EIF4EBP1: variants seen among roughly 807,000 people sequenced by gnomAD.
EIF4EBP1 encodes eukaryotic translation initiation factor 4E-binding protein 1.
Under a neutral mutation model 9.2 loss-of-function variants are expected in EIF4EBP1, and 5 were observed. That is an observed-to-expected ratio of 0.54 (90% CI 0.28 to 1.14). The LOEUF is 1.14. Among genes scored for constraint, EIF4EBP1 ranks in the 50% most tolerant of loss-of-function variants. The pLI is 0.09. For synonymous variants in EIF4EBP1, 62 were observed against 67.0 expected, an observed-to-expected ratio of 0.93 and a Z score of 0.36; for missense variants, 139 against 169.6, an observed-to-expected ratio of 0.82 and a Z score of 1.00.
At chr8:38,032,316 C>T (rs1212173215) in intron 1 of EIF4EBP1, among the ~76,000 whole-genome samples, 1 of 151,864 alleles carries the variant, frequency 6.6e-6, no homozygotes, top group Admixed American at 6.6e-5. Flanking sequence ...AGTTCAAGAC[C>T]AGCCTGGGCA....
chr8:38,053,974 G>A (rs370220603), intron 1 of EIF4EBP1, among the ~76,000 whole-genome samples: 3 of 152,220 alleles, frequency 2.0e-5, no homozygotes, highest in East Asian at 3.9e-4. Flanking sequence ...GGCGGTGATG[G>A]TAGCACAACA....
At chr8:38,057,321 G>A (rs2130402059) in intron 2 of EIF4EBP1, 61 bp downstream of exon 2, 1 of 1,520,714 alleles carries the variant, frequency 6.6e-7, no homozygotes, top group Admixed American at 2.1e-5. Context: ...GGCTCCTGGA[G>A]TCCATCCACT....
At chr8:38,032,975 A>T (rs1037118070) in intron 1 of EIF4EBP1, among the ~76,000 whole-genome samples, 14 of 149,754 alleles carry the variant, frequency 9.3e-5, no homozygotes, top group African/African-American at 3.4e-4. Flanking sequence ...GTGCTTGAGG[A>T]TAACTGGGGG....
chr8:38,058,151 G>C (rs1287611810), intron 2 of EIF4EBP1, among the ~76,000 whole-genome samples: 1 of 152,316 alleles, frequency 6.6e-6, no homozygotes, highest in East Asian at 1.9e-4. Context: ...ATAGTTGCCT[G>C]TGTCTTAGTC....
rs1048934 is a variant in EIF4EBP1 at position 38,060,267 on chromosome 8, C to G, written c.*332C>G. On this transcript the variant is annotated 3_prime_UTR_variant, in exon 3 of 3. Coordinates refer to ENST00000338825, the MANE Select transcript of EIF4EBP1 (RefSeq NM_004095.4). Reference sequence around the variant, plus strand: ...AGTTCCAGCCCCTCGCTGCTGGGGGCGCAACCACCCCTTCCTTAGGTTGAT... The same window carrying G: ...AGTTCCAGCCCCTCGCTGCTGGGGGGGCAACCACCCCTTCCTTAGGTTGAT... 2.8e-6 allele frequency: 1 copy of G among 352,676 alleles called. No homozygotes were observed. The highest frequency in any genetic ancestry group is 5.8e-5 in the East Asian group (1 of 17,378). The allele number at this position is 352,676 out of a possible 1,614,324, so 21.8% of individuals were successfully genotyped here. A position where few individuals can be genotyped will look rare whatever the true frequency, so the allele number is the denominator to read the frequency against.
chr8:38,035,378 C>T (rs1013115021), intron 1 of EIF4EBP1, among the ~76,000 whole-genome samples: 5 of 151,678 alleles, frequency 3.3e-5, no homozygotes, highest in Admixed American at 6.6e-5. Flanking sequence ...CCACCACACC[C>T]GGCTAATTTT....
intron 1 of EIF4EBP1, among the ~76,000 whole-genome samples, chr8:38,051,469 AAGTACTTCATACTCTTTGTAGTGACCT>A (rs1809523561): frequency 6.6e-6 from 1 of 152,132 alleles, no homozygotes. Flanking sequence ...TGATCCTCAA[AAGTACTTCATACTCTTTGTAGTGACCT>A]AGTGGAGGTG....
At chr8:38,036,823 AT>A (rs991041541) in intron 1 of EIF4EBP1, among the ~76,000 whole-genome samples, 2 of 151,846 alleles carry the variant, frequency 1.3e-5, no homozygotes, top group Non-Finnish European at 2.9e-5. Context: ...TAATTTTTGT[AT>A]TTTTTGGTAG....
At chr8:38,034,489 T>G (rs997495786) in intron 1 of EIF4EBP1, among the ~76,000 whole-genome samples, 7 of 152,214 alleles carry the variant, frequency 4.6e-5, no homozygotes, top group African/African-American at 1.7e-4. Flanking sequence ...CTTAAAAATA[T>G]CCAGCGACAC....
chr8:38,043,513 G>A (rs1310327875), intron 1 of EIF4EBP1, among the ~76,000 whole-genome samples: 16 of 151,586 alleles, frequency 1.1e-4, no homozygotes, highest in Admixed American at 1.1e-3. Flanking sequence ...CACCCGGCTA[G>A]TTTTTGTATT....
chr8:38,055,380 G>A (rs1809581927), intron 1 of EIF4EBP1, among the ~76,000 whole-genome samples: 1 of 152,080 alleles, frequency 6.6e-6, no homozygotes, highest in Admixed American at 6.6e-5. Flanking sequence ...CTCAGCTGTT[G>A]GAATGCTACT....
At chr8:38,040,908 GTCTC>G in intron 1 of EIF4EBP1, among the ~76,000 whole-genome samples, 1 of 150,402 alleles carries the variant, frequency 6.6e-6, no homozygotes, top group Non-Finnish European at 1.5e-5. Context: ...TTGAGATGGA[GTCTC>G]TCTCTGTTGC....
At chr8:38,054,361 G>A (rs956201763) in intron 1 of EIF4EBP1, among the ~76,000 whole-genome samples, 1 of 152,166 alleles carries the variant, frequency 6.6e-6, no homozygotes, top group African/African-American at 2.4e-5. Flanking sequence ...TGAGGCGGGA[G>A]GATTGCTAGA....
intron 1 of EIF4EBP1, among the ~76,000 whole-genome samples, chr8:38,050,709 C>T (rs1809508823): frequency 6.6e-6 from 1 of 152,098 alleles, no homozygotes; most frequent in Non-Finnish European, 1.5e-5. Flanking sequence ...ACTTCCTAGG[C>T]TCAACTGATC....
At chr8:38,059,458 A>G (rs1447125000) in intron 2 of EIF4EBP1, among the ~76,000 whole-genome samples, 3 of 151,472 alleles carry the variant, frequency 2.0e-5, no homozygotes, top group African/African-American at 2.4e-5. Flanking sequence ...AGCCAGTTAA[A>G]CCTCTTTTCT....
chr8:38,057,206 A>T lies in EIF4EBP1; in HGVS notation c.271A>T (p.Met91Leu). The T allele has an allele frequency of 6.5e-7, 1 of 1,527,212 alleles. No individual in the cohort carries two copies. The highest frequency in any genetic ancestry group is 8.8e-7 in the Non-Finnish European group (1 of 1,139,692). The allele number at this position is 1,527,212 out of a possible 1,614,324, so 94.6% of individuals were successfully genotyped here. The change falls in exon 2 of 3, where the codon ATG becomes TTG. Residue 91 changes from methionine to leucine, a missense_variant. Met to Leu is a conservative substitution (Grantham distance 15, BLOSUM62 2). Transcript: ENST00000338825. ...VTSPSSDEPP[M>L]EASQSHLRNS... ...CAGCCCTTCCAGTGATGAGCCCCCC[A>T]TGGAAGCCAGCCAGAGCCACCTGCG... is the stretch of plus-strand genomic sequence containing the variant.
chr8:38,056,821 G>A (rs1411376218), intron 1 of EIF4EBP1, among the ~76,000 whole-genome samples: 5 of 151,862 alleles, frequency 3.3e-5, no homozygotes, highest in Non-Finnish European at 5.9e-5. Context: ...CCACCACCAC[G>A]CTGGCTAATT....
chr8:38,038,464 C>T (rs761725451), intron 1 of EIF4EBP1, among the ~76,000 whole-genome samples: 8 of 145,876 alleles, frequency 5.5e-5, no homozygotes, highest in Non-Finnish European at 1.0e-4. Flanking sequence ...GCCGAGATCA[C>T]GCCACTGCAC....
chr8:38,042,004 A>G lies in EIF4EBP1; in HGVS notation c.145+11286A>G, dbSNP rs6980916. ...GAGACCCTGTCTCAGAAGAAAAAAA[A>G]AAAGCAAACCACACAGGTGGCCATG... On this transcript the variant is annotated intron_variant, in intron 1 of 2. Transcript: ENST00000338825. Among the ~76,000 whole-genome samples, 1,221 of 151,958 alleles carry G rather than the reference A, an allele frequency of 8.0e-3. 19 individuals carry two copies. Among genetic ancestry groups the G allele is most frequent in the African/African-American group, 0.028 (1,150 of 41,472 alleles).
Sources: allele counts gnomAD v4.1 joint callset (sites outside exome capture counted in the v4.1 genomes callset), GRCh38; gene constraint gnomAD v4.1.1; transcripts MANE v1.5; gene names NCBI Gene and HGNC (gene_info 2026-07-23, HGNC 2026-07-21).